The following CDH3 variants were observed in gnomAD, a reference collection of about 807,000 sequenced individuals.
The protein encoded by CDH3 is cadherin-3.
In CDH3, 54 loss-of-function variants were observed where a neutral mutation model predicts 82.0. The ratio of observed to expected loss-of-function variants is 0.66; its 90% confidence interval spans 0.53 to 0.83. The LOEUF is 0.83. Ranked by LOEUF, CDH3 falls within the 40% of genes least tolerant of loss-of-function variation. CDH3 has a pLI of 0.00. For synonymous variants in CDH3, 446 were observed against 437.9 expected (o/e 1.02, Z -0.23); for missense variants, 1,054 against 1,084.6 (o/e 0.97, Z 0.40).
Position 68,645,367 on chromosome 16 carries a change from T to C in CDH3, c.-13T>C. The C allele has an allele frequency of 6.2e-7, 1 of 1,612,458 alleles. No homozygotes were observed. The highest frequency in any genetic ancestry group is 8.5e-7 in the Non-Finnish European group (1 of 1,179,304). The stretch of plus-strand genomic sequence containing the variant: ...GCCGTCGCGGCAGCTGCTTCACCCC[T>C]CTCTCTGCAGCCATGGGGCTCCCTC... On this transcript the variant is annotated 5_prime_UTR_variant, in exon 1 of 16. Transcript: ENST00000264012.
rs143045930 is a variant in CDH3, at chr16:68,687,525, C to T, written c.1584C>T (p.Thr528=). Residue 528 remains threonine (T), a synonymous_variant, in exon 12 of 16, where the codon ACC becomes ACT. Transcript: ENST00000264012. ...CATTACAAACAGGAAGCCCTCCCAC[C>T]ACTGGCACGGGAACCCTTCTGCTAA... ...VLAMDNGSPP[T]TGTGTLLLTL... is the part of the protein sequence containing the mutation. 3.7e-6 allele frequency: 6 copies of T among 1,613,938 alleles called. No homozygotes were observed. The African/African-American group carries it at 6.7e-5, about 18-fold the overall frequency.
chr16:68,685,332 G>T lies in CDH3; in HGVS notation c.1552G>T (p.Val518Phe). 6.2e-7 allele frequency: 1 copy of T among 1,614,098 alleles called. No individual in the cohort carries two copies. The highest frequency in any genetic ancestry group is 2.2e-5 in the East Asian group (1 of 44,880). ...GAGGAACAACATCTATGAAGTCATG[G>T]TCTTGGCCATGGACAATGGTGAGAG... The part of the protein sequence containing the change: ...FVRNNIYEVM[V>F]LAMDNGSPPT... The change falls in exon 11 of 16, where the codon GTC (valine) becomes TTC (phenylalanine). Residue 518 changes from valine to phenylalanine, a missense_variant. Physicochemically the swap from Val to Phe is conservative, Grantham distance 50. Coordinates refer to ENST00000264012, the MANE Select transcript of CDH3 (RefSeq NM_001793.6).
chr16:68,690,487 C>T (rs1414369648), intron 12 of CDH3, among the ~76,000 whole-genome samples: 1 of 151,982 alleles, frequency 6.6e-6, no homozygotes, highest in Non-Finnish European at 1.5e-5. Flanking sequence ...GTGGCGCAAA[C>T]CTGTAGTCCC....
In CDH3 at chr16:68,707,793, C is replaced by A. The variant is rs1961982298; in HGVS notation, c.99+11870C>A. On this transcript the variant is annotated intron_variant, in intron 1 of 2. Coordinates refer to the CDH3 transcript ENST00000569080. The surrounding 1 kb of genome is among the most constrained non-coding windows in gnomAD (Gnocchi z 4.5). Reference sequence around the variant, plus strand: ...AAGTTAGAGGTGGGGTGGGAAGCCACCCCTGCATTCCCTGTACCCACTGCC... The same window carrying A: ...AAGTTAGAGGTGGGGTGGGAAGCCAACCCTGCATTCCCTGTACCCACTGCC... 6.6e-6 allele frequency among the ~76,000 whole-genome samples: 1 copy of A among 152,104 alleles called. No homozygotes were observed. The highest frequency in any genetic ancestry group is 2.4e-5 in the African/African-American group (1 of 41,412).
chr16:68,700,875 C>T (rs1399805357), downstream of CDH3, among the ~76,000 whole-genome samples: 3 of 152,062 alleles, frequency 2.0e-5, no homozygotes, highest in Non-Finnish European at 4.4e-5. Context: ...GGTATGAAGT[C>T]GGATGAGAAA....
In CDH3 at chr16:68,695,852, A is replaced by G. The variant is rs756982103; in HGVS notation, c.2209A>G (p.Thr737Ala). 2.4e-5 allele frequency: 39 copies of G among 1,613,930 alleles called. No homozygotes were observed. The South Asian group carries it at 4.0e-4, about 16-fold the overall frequency. The stretch of plus-strand genomic sequence containing the variant: ...GGTTCTCCGCAATGACGTGGCACCA[A>G]CCATCATCCCGACACCCATGTACCG... ...EVVLRNDVAP[T>A]IIPTPMYRPR... Residue 737 changes from threonine (T) to alanine (A), a missense_variant, in exon 15 of 16, where the codon ACC (threonine) becomes GCC (alanine). Physicochemically the swap from Thr to Ala is moderately conservative, Grantham distance 58. Coordinates refer to ENST00000264012, the MANE Select transcript of CDH3 (RefSeq NM_001793.6).
At chr16:68,689,263 G>T (rs1961496937) in intron 12 of CDH3, among the ~76,000 whole-genome samples, 2 of 152,178 alleles carry the variant, frequency 1.3e-5, no homozygotes, top group African/African-American at 2.4e-5. Flanking sequence ...GCCGGGCAAG[G>T]TGGCTCATGC....
intron 1 of CDH3, among the ~76,000 whole-genome samples, chr16:68,719,502 C>CT (rs71148939): frequency 0.53 from 39,848 of 74,588 alleles, 12,288 homozygotes; most frequent in Non-Finnish European, 0.59. Flanking sequence ...TGGAACTGTT[C>CT]TTTTTTTTTT....
At chr16:68,645,571 T>C in intron 1 of CDH3, 65 bp from the exon 2 acceptor site, 1 of 1,461,420 alleles carries the variant, frequency 6.8e-7, no homozygotes. Flanking sequence ...GACCCTGCGG[T>C]GTGGGGAGTG....
chr16:68,649,592 A>T (rs914536644), intron 2 of CDH3, among the ~76,000 whole-genome samples: 1 of 152,154 alleles, frequency 6.6e-6, no homozygotes, highest in Non-Finnish European at 1.5e-5. Flanking sequence ...TTTGGTCCAC[A>T]GTCGGTGTTT....
chr16:68,678,858 T>G lies in CDH3; in HGVS notation c.643T>G (p.Phe215Val), dbSNP rs1961117687. ...VTDQNDHKPK[F>V]TQDTFRGSVL... is the part of the protein sequence containing the mutation. The stretch of plus-strand genomic sequence containing the variant: ...CGACCAGAATGACCACAAGCCCAAG[T>G]TTACCCAGGACACCTTCCGAGGGAG... Residue 215 changes from phenylalanine to valine, a missense_variant, in exon 6 of 16, where the codon TTT (phenylalanine) becomes GTT (valine). Physicochemically the swap from Phe to Val is conservative, Grantham distance 50. Coordinates refer to ENST00000264012, the MANE Select transcript of CDH3 (RefSeq NM_001793.6). 1 of 1,613,932 alleles carries G rather than the reference T, an allele frequency of 6.2e-7. No homozygotes were observed. Among genetic ancestry groups the G allele is most frequent in the Admixed American group, 1.7e-5 (1 of 60,006 alleles).
Position 68,726,893 on chromosome 16 carries a change from T to C in CDH3, c.*46-260T>C, listed in dbSNP as rs1962225662. 3.3e-5 allele frequency among the ~76,000 whole-genome samples: 5 copies of C among 152,192 alleles called. No individual in the cohort carries two copies. In the South Asian group the frequency reaches 8.3e-4, roughly 25 times the overall value. On this transcript the variant is annotated intron_variant, in intron 2 of 2. Coordinates refer to the CDH3 transcript ENST00000569080. ...CGCGCCCGCCCCAGCTGTGTCATTT[T>C]TATTGTGTGTGATGGTGACTTTTAG...
chr16:68,717,364 G>A (rs986741991), intron 1 of CDH3, among the ~76,000 whole-genome samples: 17 of 152,154 alleles, frequency 1.1e-4, no homozygotes, highest in Non-Finnish European at 1.0e-4. Flanking sequence ...CATTGCTGAC[G>A]GCATTATAAA....
downstream of CDH3, among the ~76,000 whole-genome samples, chr16:68,703,723 G>A (rs1401955090): frequency 1.3e-5 from 2 of 152,078 alleles, no homozygotes; most frequent in East Asian, 3.9e-4. Context: ...GAGGCGGGTG[G>A]AACACCTGAG....
intron 1 of CDH3, among the ~76,000 whole-genome samples, chr16:68,706,116 A>G (rs567470120): frequency 2.0e-5 from 3 of 151,412 alleles, no homozygotes; most frequent in East Asian, 3.9e-4. Context: ...CTGCAGGTAG[A>G]TATATGTGTA....
intron 1 of CDH3, among the ~76,000 whole-genome samples, chr16:68,706,850 G>A (rs1018879444): frequency 2.6e-4 from 39 of 152,226 alleles, no homozygotes; most frequent in Admixed American, 2.0e-4. Context: ...CACTGTGCCC[G>A]GCCAGTAGTC....
At position 68,683,458 on chromosome 16, in the gene CDH3, T is replaced by C. The variant is rs554882609; in HGVS notation, c.1182+971T>C. ...CGAGGTCAGGAGACCGAGACCATCCTGGCTAACATGGTGAAACCCCGTCTC... is the reference window on the plus strand; with the variant it reads ...CGAGGTCAGGAGACCGAGACCATCCCGGCTAACATGGTGAAACCCCGTCTC... On this transcript the variant is annotated intron_variant, in intron 9 of 15. Coordinates refer to ENST00000264012, the MANE Select transcript of CDH3 (RefSeq NM_001793.6). Among the ~76,000 whole-genome samples the C allele has an allele frequency of 2.0e-5, 3 of 151,440 alleles. No individual in the cohort carries two copies. In the East Asian group the frequency reaches 5.9e-4, roughly 30 times the overall value.
chr16:68,695,737 A>T, intron 14 of CDH3, 40 bp from the exon 15 acceptor site: 1 of 1,611,498 alleles, frequency 6.2e-7, no homozygotes, highest in South Asian at 1.1e-5. Flanking sequence ...AGTGGGGGAC[A>T]GGAGTCCTCA....
chr16:68,723,386 G>A (rs1215025429), intron 2 of CDH3, among the ~76,000 whole-genome samples: 5 of 151,998 alleles, frequency 3.3e-5, no homozygotes, highest in East Asian at 1.9e-4. Context: ...TCATGATTCC[G>A]TAAACACCCC....
Sources: gnomAD v4.1 joint callset for allele counts (sites outside exome capture counted in the v4.1 genomes callset) on GRCh38, gnomAD v4.1.1 for gene constraint, Gnocchi (gnomAD v3.1) non-coding constraint, MANE v1.5 for transcripts, NCBI Gene and HGNC (gene_info 2026-07-23, HGNC 2026-07-21) for gene names.